OCA2: variants seen among roughly 807,000 people sequenced by gnomAD.
The protein encoded by OCA2 is P protein.
OCA2 carries 77 observed loss-of-function variants against 100.2 expected under a neutral mutation model. The ratio of observed to expected loss-of-function variants is 0.77; its 90% CI spans 0.64 to 0.93. The LOEUF is 0.93. OCA2 is among the 40% of genes least tolerant of loss of function. The pLI is 0.00. For missense variants in OCA2, 1,062 were observed against 1,089.1 expected (o/e 0.98, Z 0.35); for synonymous variants, 432 against 439.2 (o/e 0.98, Z 0.21).
intron 19 of OCA2, chr15:27,895,900 T>C: frequency 1.7e-6 from 1 of 599,152 alleles, no homozygotes; most frequent in Non-Finnish European, 3.1e-6. Flanking sequence ...AGGTTGCTTA[T>C]GCCCGTACAG....
intron 18 of OCA2, among the ~76,000 whole-genome samples, chr15:27,933,811 G>A (rs2039350195): frequency 6.6e-6 from 1 of 152,132 alleles, no homozygotes; most frequent in Non-Finnish European, 1.5e-5. Context: ...GACAAGAGCT[G>A]GCTGTTTCAC....
At chr15:27,723,135 G>A in the OCA2 span, among the ~76,000 whole-genome samples, 10 of 151,946 alleles carry the variant, frequency 6.6e-5, no homozygotes, top group African/African-American at 1.2e-4. Flanking sequence ...AAGCCACCGC[G>A]CCTGGCCCCT....
chr15:27,786,932 C>T (rs2032843985), intron 23 of OCA2, among the ~76,000 whole-genome samples: 1 of 152,110 alleles, frequency 6.6e-6, no homozygotes, highest in Non-Finnish European at 1.5e-5. Flanking sequence ...TGTAGACAGC[C>T]TTTACCAGGC....
chr15:27,749,429 GT>G, the OCA2 span, among the ~76,000 whole-genome samples: 9 of 152,182 alleles, frequency 5.9e-5, no homozygotes, highest in Admixed American at 5.9e-4. Flanking sequence ...GAAAGAAGTT[GT>G]TGCAAGTAGA....
the OCA2 span, among the ~76,000 whole-genome samples, chr15:27,747,189 C>T: frequency 6.6e-5 from 10 of 152,184 alleles, no homozygotes; most frequent in African/African-American, 2.4e-4. Flanking sequence ...ACCCCAGCCT[C>T]ATGCCAGTGC....
chr15:27,757,172 T>C lies in OCA2; in HGVS notation c.2433-1700A>G, dbSNP rs577055707. Among the ~76,000 whole-genome samples the C allele has an allele frequency of 2.0e-5, 3 of 152,344 alleles. No homozygotes were observed. The South Asian group carries it at 6.2e-4, about 32-fold the overall frequency. ...CCTGGGTCTCTCAGCTAGTTTGCTC[T>C]GGTGTGACAATCCAAATGCATCAGT... On this transcript the variant is annotated intron_variant, in intron 23 of 23. Transcript: ENST00000354638.
At position 27,851,390 on chromosome 15, in the gene OCA2, C is replaced by T. The variant is rs776814755; in HGVS notation, c.2330G>A (p.Cys777Tyr). 9.7e-5 allele frequency: 156 copies of T among 1,613,712 alleles called. No homozygotes were observed. Among genetic ancestry groups the T allele is most frequent in the Non-Finnish European group, 1.3e-4 (154 of 1,179,884 alleles). Residue 777 changes from cysteine (C) to tyrosine (Y), a missense_variant, in exon 22 of 24, where the codon TGC becomes TAC. Physicochemically the swap from Cys to Tyr is radical, Grantham distance 194. Coordinates refer to ENST00000354638, the MANE Select transcript of OCA2 (RefSeq NM_000275.3). ...AGTCAGCAGCCCCTTACCTCCCAGGCAAGCACCGAAGGCCAGGGCATACAT... is the reference window on the plus strand; with the variant it reads ...AGTCAGCAGCCCCTTACCTCCCAGGTAAGCACCGAAGGCCAGGGCATACAT... ...PLMYALAFGA[C>Y]LGGNGTLIGA...
At chr15:27,804,051 T>G (rs1248827092) in intron 23 of OCA2, among the ~76,000 whole-genome samples, 3 of 152,232 alleles carry the variant, frequency 2.0e-5, no homozygotes, top group Admixed American at 2.0e-4. Context: ...AAATTTTACA[T>G]TTTAAGTATT....
intron 23 of OCA2, among the ~76,000 whole-genome samples, chr15:27,809,251 T>C (rs1166035560): frequency 1.3e-5 from 2 of 152,246 alleles, no homozygotes; most frequent in African/African-American, 4.8e-5. Flanking sequence ...TTCCTCTCTC[T>C]TTTATTGCTT....
intron 19 of OCA2, among the ~76,000 whole-genome samples, chr15:27,881,305 A>G (rs947942533): frequency 1.1e-4 from 16 of 150,138 alleles, no homozygotes; most frequent in African/African-American, 3.8e-4. Context: ...CATCAGGGAT[A>G]TTGGCCTGAA....
In OCA2 at chr15:27,755,178, G is replaced by A. The variant is rs1019088847; in HGVS notation, c.*210C>T. The A allele has an allele frequency of 3.7e-6, 2 of 545,178 alleles. No individual in the cohort carries two copies. The highest frequency in any genetic ancestry group is 6.7e-6 in the Non-Finnish European group (2 of 297,878). The allele number at this position is 545,178 out of a possible 1,614,324, so 33.8% of individuals were successfully genotyped here. A position where few individuals can be genotyped will look rare whatever the true frequency, so the allele number is the denominator to read the frequency against. ...TCACATCTTTCTACATTTTGTCCTT[G>A]GGGAGAAAGGACACACAGAGGAGGT... On this transcript the variant is annotated 3_prime_UTR_variant, in exon 24 of 24. Coordinates refer to ENST00000354638, the MANE Select transcript of OCA2 (RefSeq NM_000275.3).
chr15:28,010,039 G>A (rs575062043), intron 9 of OCA2, among the ~76,000 whole-genome samples: 6 of 152,052 alleles, frequency 3.9e-5, no homozygotes, highest in African/African-American at 1.4e-4. Flanking sequence ...TGCAAGTCTA[G>A]TCCAATATTC....
intron 2 of OCA2, among the ~76,000 whole-genome samples, chr15:28,044,800 A>G (rs1459129970): frequency 6.6e-6 from 1 of 152,062 alleles, no homozygotes; most frequent in Non-Finnish European, 1.5e-5. Flanking sequence ...TCTGTAACCT[A>G]CTTTTTCTGA....
At chr15:27,762,465 A>G (rs1002953021) in intron 23 of OCA2, among the ~76,000 whole-genome samples, 2 of 152,232 alleles carry the variant, frequency 1.3e-5, no homozygotes, top group African/African-American at 4.8e-5. Flanking sequence ...CCCCATCACC[A>G]GCATGTACCT....
chr15:27,836,389 TTCTTG>T (rs1464725841), intron 23 of OCA2, among the ~76,000 whole-genome samples: 29 of 146,634 alleles, frequency 2.0e-4, no homozygotes, highest in Admixed American at 1.4e-4. Context: ...TCTCTTTCTT[TTCTTG>T]TCTTGTCTTT....
At chr15:27,950,712 A>C (rs1425402890) in intron 18 of OCA2, 2 of 316,984 alleles carry the variant, frequency 6.3e-6, no homozygotes, top group Admixed American at 9.1e-5. Context: ...GAGAAAAGGA[A>C]GACCAACTTC....
At chr15:27,774,473 C>T (rs2032074780) in intron 23 of OCA2, among the ~76,000 whole-genome samples, 1 of 152,224 alleles carries the variant, frequency 6.6e-6, no homozygotes, top group African/African-American at 2.4e-5. Context: ...TCGGAAGGTA[C>T]CTTCATGTGG....
At chr15:27,870,126 C>T (rs1023882933) in intron 21 of OCA2, among the ~76,000 whole-genome samples, 25 of 152,334 alleles carry the variant, frequency 1.6e-4, no homozygotes, top group African/African-American at 5.8e-4. Context: ...TGCCCTTCTC[C>T]CCACACAGCC....
rs538647443 is a variant in OCA2 at position 27,892,093 on chromosome 15, G to GA, written c.2080-20172dup. Among the ~76,000 whole-genome samples the GA allele has an allele frequency of 8.5e-5, 13 of 152,122 alleles. No individual in the cohort carries two copies. The South Asian group carries it at 1.7e-3, about 19-fold the overall frequency. On this transcript the variant is annotated intron_variant, in intron 19 of 23. Coordinates refer to ENST00000354638, the MANE Select transcript of OCA2 (RefSeq NM_000275.3). ...AAGTGAAAAACTGCTAGAGCTGAAA[G>GA]AAAAAACAAATTCATGTTTATAATT...
Sources: gnomAD v4.1 joint callset for allele counts (sites outside exome capture counted in the v4.1 genomes callset) on GRCh38, gnomAD v4.1.1 for gene constraint, MANE v1.5 for transcripts, NCBI Gene and HGNC (gene_info 2026-07-23, HGNC 2026-07-21) for gene names.